Variants in RHBDF2 observed in about 807,000 individuals in gnomAD.
RHBDF2 encodes the protein rhomboid 5 homolog 2, also known as inactive rhomboid protein 2.
A neutral mutation model predicts 95.2 loss-of-function variants in RHBDF2; 38 were observed. That is an observed-to-expected ratio of 0.40 (90% CI 0.31 to 0.52). The LOEUF (loss-of-function observed/expected upper bound fraction) is 0.52. Among genes scored for constraint, RHBDF2 ranks in the 20% least tolerant of loss-of-function variants. The probability of loss-of-function intolerance (pLI) is 0.56; values close to 1 mark genes in which losing one functional copy is unlikely to be tolerated. For synonymous variants in RHBDF2, 442 were observed against 462.0 expected, an observed-to-expected ratio of 0.96 and a Z score of 0.55; for missense variants, 863 against 1,137.7, an observed-to-expected ratio of 0.76 and a Z score of 3.47.
At chr17:76,495,657 T>G (rs543175588) in intron 1 of RHBDF2, among the ~76,000 whole-genome samples, 1 of 152,222 alleles carries the variant, frequency 6.6e-6, no homozygotes, top group East Asian at 1.9e-4. Flanking sequence ...CTGGACTGGC[T>G]GGGTGTGAGC....
intron 2 of RHBDF2, among the ~76,000 whole-genome samples, chr17:76,485,782 C>T (rs1239119379): frequency 6.6e-6 from 1 of 152,112 alleles, no homozygotes; most frequent in African/African-American, 2.4e-5. Flanking sequence ...CATCCTTCAG[C>T]CACAAAAGGA....
rs1374428487 is a variant in RHBDF2 at position 76,472,681 on chromosome 17, C to T, written c.2064+5G>A. Reference sequence around the variant, plus strand: ...CGGAAGGGGTCCCATCCTCCACATCCTTACCTCTGCCCGGTATGGGAGAAA... The same window carrying T: ...CGGAAGGGGTCCCATCCTCCACATCTTTACCTCTGCCCGGTATGGGAGAAA... On this transcript the variant is annotated splice_donor_5th_base_variant and intron_variant, in intron 18 of 18. Transcript: ENST00000675367. The T allele has an allele frequency of 6.2e-7, 1 of 1,614,018 alleles. No individual in the cohort carries two copies. The highest frequency in any genetic ancestry group is 2.2e-5 in the East Asian group (1 of 44,890).
chr17:76,485,280 G>A (rs770456775), intron 2 of RHBDF2, among the ~76,000 whole-genome samples: 7 of 152,024 alleles, frequency 4.6e-5, no homozygotes, highest in Non-Finnish European at 7.4e-5. Flanking sequence ...GCATGGTGGT[G>A]CATCCCTGTA....
At chr17:76,488,903 G>A (rs561190686) in intron 1 of RHBDF2, among the ~76,000 whole-genome samples, 10 of 152,074 alleles carry the variant, frequency 6.6e-5, no homozygotes, top group Non-Finnish European at 8.8e-5. Flanking sequence ...AGCCAAGATC[G>A]CGCCATTGTA....
Position 76,471,284 on chromosome 17 carries a change from C to T in RHBDF2, c.*349G>A. On this transcript the variant is annotated 3_prime_UTR_variant, in exon 19 of 19. Transcript: ENST00000675367. ...GTAGTAGTGGGGGAGAAGGCACCAG[C>T]AGAGGCAGCGCTGAGGACCTGGGAA... 3.9e-6 allele frequency: 1 copy of T among 255,958 alleles called. No homozygotes were observed. The highest frequency in any genetic ancestry group is 7.5e-6 in the Non-Finnish European group (1 of 133,346). The allele number at this position is 255,958 out of a possible 1,614,324, so 15.9% of individuals were successfully genotyped here.
In RHBDF2 at chr17:76,476,993, G is replaced by A. The variant is rs1482461262; in HGVS notation, c.952C>T (p.Pro318Ser). ...KEYGRAPVPGPRRGKRIASKV... is the reference protein window; with the variant it reads ...KEYGRAPVPGSRRGKRIASKV... ...GAGGCGATGCGCTTGCCGCGCCGGG[G>A]CCCGGGGACTGGGGCTCGGCCATAC... The change falls in exon 9 of 19, where the codon CCC becomes TCC. Residue 318 changes from proline to serine, a missense_variant. Pro to Ser is a moderately conservative substitution (Grantham distance 74). Around this residue, in one of 2 missense-constraint regions of RHBDF2, gnomAD observed 611 missense variants for 725.5 expected, o/e 0.84. Transcript: ENST00000675367. The A allele has an allele frequency of 6.2e-7, 1 of 1,613,868 alleles. No homozygotes were observed. The highest frequency in any genetic ancestry group is 8.5e-7 in the Non-Finnish European group (1 of 1,180,024).
intron 18 of RHBDF2, chr17:76,472,458 G>A: frequency 1.5e-6 from 1 of 650,126 alleles, no homozygotes; most frequent in Admixed American, 2.3e-5. Context: ...GGCACGGTTA[G>A]GAAGATAAAT....
At chr17:76,484,092 T>C (rs1253474187) in intron 2 of RHBDF2, among the ~76,000 whole-genome samples, 1 of 151,874 alleles carries the variant, frequency 6.6e-6, no homozygotes, top group African/African-American at 2.4e-5. Context: ...AGAAACCCCG[T>C]CTCTACTAAA....
At chr17:76,482,004 A>ACAC (rs2073987229) in intron 2 of RHBDF2, 701 of 24,188 alleles carry the variant, frequency 0.029, 21 homozygotes, top group African/African-American at 0.051. Flanking sequence ...CACACACACA[A>ACAC]AACCAAAAAC....
intron 9 of RHBDF2, among the ~76,000 whole-genome samples, chr17:76,475,587 CTTTTT>C (rs1052462865): frequency 6.9e-6 from 1 of 145,048 alleles, no homozygotes; most frequent in Non-Finnish European, 1.5e-5. Context: ...CTTTTCTTTT[CTTTTT>C]TTTTTTTTGA....
rs371993070 is a variant in RHBDF2, at chr17:76,476,882, G to A, written c.1063C>T (p.Arg355Cys). The A allele has an allele frequency of 1.5e-4, 243 of 1,612,296 alleles. No individual in the cohort carries two copies. Among genetic ancestry groups the A allele is most frequent in the Admixed American group, 2.5e-4 (15 of 59,976 alleles). Residue 355 changes from arginine (R) to cysteine (C), a missense_variant, in exon 9 of 19, where the codon CGC (arginine) becomes TGC (cysteine). Arg to Cys is a radical substitution (Grantham distance 180, BLOSUM62 -3). This residue lies in a region of RHBDF2 where 611 missense variants were observed against 725.5 expected (regional missense o/e 0.84). Coordinates refer to ENST00000675367, the MANE Select transcript of RHBDF2 (RefSeq NM_001005498.4). The part of the protein sequence containing the change: ...VGNWLNRSYR[R>C]SISSTVQRQL... Reference sequence around the variant, plus strand: ...CGCTGCACAGTGCTGCTGATGCTGCGGCGGTAGCTGCGGTTCAGCCAGTTG... The same window carrying A: ...CGCTGCACAGTGCTGCTGATGCTGCAGCGGTAGCTGCGGTTCAGCCAGTTG...
intron 1 of RHBDF2, among the ~76,000 whole-genome samples, chr17:76,498,999 C>T (rs145830966): frequency 2.6e-5 from 4 of 152,104 alleles, no homozygotes; most frequent in East Asian, 3.9e-4. Flanking sequence ...GCTCCACTGC[C>T]GACTTCCTGA....
Position 76,476,929 on chromosome 17 carries a change from T to G in RHBDF2, c.1016A>C (p.His339Pro). 1 of 1,613,918 alleles carries G rather than the reference T, an allele frequency of 6.2e-7. No homozygotes were observed. The highest frequency in any genetic ancestry group is 8.5e-7 in the Non-Finnish European group (1 of 1,180,026). ...GTTGCCCACCACGCCGAGGCCGTAG[T>G]GCCGCTTCTTCCGATCAAAGGCAAA... ...KHFAFDRKKR[H>P]YGLGVVGNWL... Residue 339 changes from histidine to proline, a missense_variant, in exon 9 of 19, where the codon CAC becomes CCC. By Grantham distance (77) the His-to-Pro change is moderately conservative. This residue lies in a region of RHBDF2 where 611 missense variants were observed against 725.5 expected (regional missense o/e 0.84). Coordinates refer to ENST00000675367, the MANE Select transcript of RHBDF2 (RefSeq NM_001005498.4).
At chr17:76,486,893 G>A (rs2074144330) in intron 2 of RHBDF2, among the ~76,000 whole-genome samples, 1 of 150,620 alleles carries the variant, frequency 6.6e-6, no homozygotes, top group Admixed American at 6.6e-5. Flanking sequence ...CCTCCTGGTT[G>A]CAGTTCAAGT....
At chr17:76,490,305 C>T (rs543708888) in intron 1 of RHBDF2, among the ~76,000 whole-genome samples, 2 of 152,104 alleles carry the variant, frequency 1.3e-5, no homozygotes, top group African/African-American at 2.4e-5. Context: ...GCAGACTGCC[C>T]GGCTGAGTAT....
intron 9 of RHBDF2, 200 bp downstream of exon 9, chr17:76,476,630 G>T: frequency 1.4e-6 from 1 of 691,502 alleles, no homozygotes; most frequent in African/African-American, 1.8e-5. Context: ...TGGAAGAGAG[G>T]CAGCAAGCAC....
intron 1 of RHBDF2, among the ~76,000 whole-genome samples, chr17:76,494,381 G>C (rs1283045434): frequency 6.6e-6 from 1 of 152,206 alleles, no homozygotes; most frequent in Non-Finnish European, 1.5e-5. Context: ...TGGCAGTGCA[G>C]CCAGGCCTCG....
chr17:76,499,310 G>A (rs1004617510), intron 1 of RHBDF2, among the ~76,000 whole-genome samples: 3 of 152,130 alleles, frequency 2.0e-5, no homozygotes, highest in African/African-American at 4.8e-5. Context: ...GGAGGGCAGC[G>A]AGGTGGCCCC....
chr17:76,494,687 G>A (rs1254470668), intron 1 of RHBDF2, among the ~76,000 whole-genome samples: 1 of 152,230 alleles, frequency 6.6e-6, no homozygotes, highest in Non-Finnish European at 1.5e-5. Context: ...GGGAGGCGGA[G>A]GTTGAAGTGA....
Sources: allele counts gnomAD v4.1 joint callset (sites outside exome capture counted in the v4.1 genomes callset), GRCh38; gene constraint gnomAD v4.1.1; regional missense constraint gnomAD v4.1.1; transcripts MANE v1.5; gene names NCBI Gene and HGNC (gene_info 2026-07-23, HGNC 2026-07-21).